BANK1: variants seen among roughly 807,000 people sequenced by gnomAD.
The protein encoded by BANK1 is B cell scaffold protein with ankyrin repeats 1, also known as B-cell scaffold protein with ankyrin repeats.
Under a neutral mutation model 94.5 loss-of-function variants are expected in BANK1, and 95 were observed. The observed-to-expected ratio is 1.00, with a 90% CI of 0.85 to 1.19. The LOEUF (loss-of-function observed/expected upper bound fraction) is 1.19. Ranked by LOEUF, BANK1 falls within the 50% of genes most tolerant of loss-of-function variation. The pLI, the probability that BANK1 is intolerant of heterozygous loss-of-function variation, is 0.00. For synonymous variants in BANK1, 334 were observed against 308.4 expected, an observed-to-expected ratio of 1.08 and a Z score of -0.87; for missense variants, 987 against 932.2, an observed-to-expected ratio of 1.06 and a Z score of -0.77.
At chr4:101,825,571 C>A (rs1308602239) in intron 1 of BANK1, among the ~76,000 whole-genome samples, 1 of 152,060 alleles carries the variant, frequency 6.6e-6, no homozygotes, top group African/African-American at 2.4e-5. Flanking sequence ...AACTTAACCC[C>A]TCTGAGCCTC....
intron 1 of BANK1, among the ~76,000 whole-genome samples, chr4:101,828,403 A>C (rs1295072011): frequency 1.3e-5 from 2 of 149,206 alleles, no homozygotes; most frequent in Admixed American, 6.7e-5. Flanking sequence ...ATATATATAT[A>C]TATATATCTC....
chr4:101,911,968 T>C (rs533694561), intron 6 of BANK1, among the ~76,000 whole-genome samples: 11 of 152,240 alleles, frequency 7.2e-5, no homozygotes, highest in African/African-American at 2.6e-4. Context: ...TAGTAACTGA[T>C]AACAGGAAAT....
rs1430814537 is a variant in BANK1 at position 101,895,399 on chromosome 4, C to G, written c.998C>G (p.Ser333Cys). The G allele has an allele frequency of 6.4e-7, 1 of 1,557,286 alleles. No homozygotes were observed. Among genetic ancestry groups the G allele is most frequent in the Non-Finnish European group, 8.8e-7 (1 of 1,136,878 alleles). The change falls in exon 6 of 17, where the codon TCT becomes TGT. Residue 333 changes from serine to cysteine, a missense_variant. Transcript: ENST00000322953. ...EFQSLQTEICSQNKYTHFKEL... is the reference protein window; with the variant it reads ...EFQSLQTEICCQNKYTHFKEL... ...CAGTCTCTTCAAACTGAAATTTGTT[C>G]TCAAAACAAATGTGAGTATTTTCCA...
intron 2 of BANK1, among the ~76,000 whole-genome samples, chr4:101,839,742 A>AT (rs1654986736): frequency 6.6e-6 from 1 of 151,664 alleles, no homozygotes; most frequent in Admixed American, 6.6e-5. Flanking sequence ...TACAATAATA[A>AT]TTTTTTTATT....
intron 7 of BANK1, among the ~76,000 whole-genome samples, chr4:101,936,343 ATATACATG>A (rs1723548582): frequency 6.6e-6 from 1 of 150,458 alleles, no homozygotes; most frequent in Non-Finnish European, 1.5e-5. Flanking sequence ...ATATATGTAC[ATATACATG>A]TATACATACA....
chr4:101,952,709 A>G (rs138023079), intron 7 of BANK1, among the ~76,000 whole-genome samples: 117 of 152,256 alleles, frequency 7.7e-4, no homozygotes, highest in African/African-American at 2.6e-3. Flanking sequence ...CGGCAAATCC[A>G]TGAGGCAGGA....
In BANK1 at chr4:102,043,904, C is replaced by A. The variant is rs774144753; in HGVS notation, c.1966C>A (p.Gln656Lys). 3.2e-6 allele frequency: 5 copies of A among 1,580,548 alleles called. No homozygotes were observed. Among genetic ancestry groups the A allele is most frequent in the African/African-American group, 2.7e-5 (2 of 74,132 alleles). ...DDKFCGLPKK[Q>K]DRARIESPAF... ...CAAGTTCTGTGGTCTTCCTAAGAAA[C>A]AAGGTACTAACACTAACTTCAATCT... Residue 656 changes from glutamine (Q) to lysine (K), a missense_variant, in exon 11 of 17, where the codon CAA (glutamine) becomes AAA (lysine). Transcript: ENST00000322953.
rs1231390446 is a variant in BANK1, at chr4:102,015,308, T to A, written c.1207-6206T>A. Among the ~76,000 whole-genome samples the A allele has an allele frequency of 2.6e-5, 4 of 152,160 alleles. No individual in the cohort carries two copies. The East Asian group carries it at 7.7e-4, about 29-fold the overall frequency. ...GACTTAATTTTGACTTTGTACTTTG[T>A]TATTCTGCAATTTAATTCTTACTGA... is the stretch of plus-strand genomic sequence containing the variant. On this transcript the variant is annotated intron_variant, in intron 7 of 16. Coordinates refer to ENST00000322953, the MANE Select transcript of BANK1 (RefSeq NM_017935.5).
intron 4 of BANK1, among the ~76,000 whole-genome samples, chr4:101,869,876 T>C (rs1341234670): frequency 6.6e-6 from 1 of 152,020 alleles, no homozygotes; most frequent in Non-Finnish European, 1.5e-5. Flanking sequence ...TATATAACTT[T>C]AATTCTGCTC....
chr4:102,023,486 C>G (rs937741330), intron 8 of BANK1, among the ~76,000 whole-genome samples: 20 of 152,100 alleles, frequency 1.3e-4, no homozygotes, highest in Middle Eastern at 3.2e-3. Flanking sequence ...AGAAAAATTT[C>G]ACTTTTGCAG....
intron 7 of BANK1, among the ~76,000 whole-genome samples, chr4:101,997,621 G>C (rs1725925545): frequency 6.6e-6 from 1 of 152,076 alleles, no homozygotes; most frequent in African/African-American, 2.4e-5. Context: ...TCTATTCAGG[G>C]ATTCGACTTC....
chr4:101,886,355 G>A (rs1728854992), intron 5 of BANK1, among the ~76,000 whole-genome samples: 1 of 152,166 alleles, frequency 6.6e-6, no homozygotes, highest in Non-Finnish European at 1.5e-5. Context: ...GAAGGGAAGG[G>A]CCAGAAAGGA....
At chr4:102,004,669 T>C (rs1272280265) in intron 7 of BANK1, among the ~76,000 whole-genome samples, 2 of 152,162 alleles carry the variant, frequency 1.3e-5, no homozygotes, top group Non-Finnish European at 2.9e-5. Context: ...AAGGTGGTTT[T>C]AGTAGCTCAT....
chr4:101,811,549 T>G (rs909867687), intron 1 of BANK1, among the ~76,000 whole-genome samples: 24 of 152,150 alleles, frequency 1.6e-4, no homozygotes, highest in African/African-American at 5.8e-4. Context: ...TGTATTAGTT[T>G]TTGTGTATAT....
At chr4:101,825,716 A>C (rs1726338544) in intron 1 of BANK1, among the ~76,000 whole-genome samples, 1 of 152,110 alleles carries the variant, frequency 6.6e-6, no homozygotes, top group African/African-American at 2.4e-5. Context: ...ATAATTGAGA[A>C]AACTAAAGAT....
intron 7 of BANK1, chr4:101,976,923 C>T (rs975207923): frequency 7.9e-5 from 12 of 152,014 alleles, no homozygotes; most frequent in Admixed American, 7.9e-4. Context: ...CAATTTATTT[C>T]TATTATAACA....
At position 101,911,348 on chromosome 4, in the gene BANK1, C is replaced by T. The variant is rs144376835; in HGVS notation, c.1010-6645C>T. 2.4e-3 allele frequency among the ~76,000 whole-genome samples: 359 copies of T among 152,344 alleles called. 2 individuals are homozygous for T. Among genetic ancestry groups the T allele is most frequent in the African/African-American group, 8.3e-3 (346 of 41,586 alleles). On this transcript the variant is annotated intron_variant, in intron 6 of 16. Transcript: ENST00000322953. ...TTTTCCTGCCTAATTATATAAATTA[C>T]TATTACAATGAATAACTTATAACAA... is the stretch of plus-strand genomic sequence containing the variant.
At chr4:101,791,024 C>T in intron 1 of BANK1, 74 bp downstream of exon 1, 3 of 1,214,824 alleles carry the variant, frequency 2.5e-6, no homozygotes, top group South Asian at 1.6e-5. Context: ...CACGGGCCAT[C>T]GTTAGACAAC....
chr4:101,902,547 T>C (rs1299340739), intron 6 of BANK1, among the ~76,000 whole-genome samples: 5 of 152,244 alleles, frequency 3.3e-5, no homozygotes, highest in Non-Finnish European at 7.3e-5. Flanking sequence ...TACTTACTAA[T>C]TTGACTGATG....
Sources: allele counts gnomAD v4.1 joint callset (sites outside exome capture counted in the v4.1 genomes callset), GRCh38; gene constraint gnomAD v4.1.1; transcripts MANE v1.5; gene names NCBI Gene and HGNC (gene_info 2026-07-23, HGNC 2026-07-21).